The following PCCA variants were observed in gnomAD, a reference collection of about 807,000 sequenced individuals.
PCCA encodes propionyl-CoA carboxylase alpha chain, mitochondrial.
Under a neutral mutation model 101.3 loss-of-function variants are expected in PCCA, and 74 were observed. That is an observed-to-expected ratio of 0.73 (90% confidence interval 0.61 to 0.89). PCCA has a LOEUF of 0.89. PCCA is among the 40% of genes least tolerant of loss of function. The pLI is 0.00. For missense variants in PCCA, 891 were observed against 907.0 expected (o/e 0.98, Z 0.23); for synonymous variants, 294 against 313.6 (o/e 0.94, Z 0.66).
chr13:100,287,042 C>A (rs1566869253), intron 12 of PCCA, among the ~76,000 whole-genome samples: 3 of 151,938 alleles, frequency 2.0e-5, no homozygotes, highest in African/African-American at 7.2e-5. Context: ...ATTTGGAATT[C>A]ATTTTATTTT....
chr13:100,115,529 G>A (rs1007718978), intron 4 of PCCA, among the ~76,000 whole-genome samples: 6 of 151,976 alleles, frequency 3.9e-5, no homozygotes, highest in African/African-American at 1.5e-4. Context: ...AATATTTCAT[G>A]TACTCCATAA....
At chr13:100,328,742 G>C (rs1027247574) in intron 16 of PCCA, among the ~76,000 whole-genome samples, 2 of 146,174 alleles carry the variant, frequency 1.4e-5, no homozygotes, top group African/African-American at 2.5e-5. Flanking sequence ...CGCTGAGGTG[G>C]GAGTGCAGTG....
intron 21 of PCCA, among the ~76,000 whole-genome samples, chr13:100,475,164 C>A (rs1163528560): frequency 6.6e-6 from 1 of 152,166 alleles, no homozygotes; most frequent in Non-Finnish European, 1.5e-5. Context: ...CCTCCTGCTT[C>A]AGCCTCCCAA....
intron 20 of PCCA, among the ~76,000 whole-genome samples, chr13:100,438,929 C>A (rs749465598): frequency 6.6e-5 from 10 of 152,132 alleles, no homozygotes; most frequent in Non-Finnish European, 1.3e-4. Flanking sequence ...GGCATTAATA[C>A]AACAGTATCT....
At chr13:100,482,445 G>C (rs927311292) in intron 21 of PCCA, among the ~76,000 whole-genome samples, 1 of 152,210 alleles carries the variant, frequency 6.6e-6, no homozygotes, top group Non-Finnish European at 1.5e-5. Context: ...AAATGCCTGA[G>C]TGTGATGAGA....
intron 4 of PCCA, among the ~76,000 whole-genome samples, chr13:100,143,279 C>G (rs1212993501): frequency 2.0e-5 from 3 of 152,020 alleles, no homozygotes; most frequent in African/African-American, 7.2e-5. Flanking sequence ...CCTGTAATCC[C>G]AGCATTTTGG....
intron 19 of PCCA, among the ~76,000 whole-genome samples, chr13:100,407,125 A>G (rs1472140530): frequency 6.6e-6 from 1 of 152,236 alleles, no homozygotes; most frequent in Non-Finnish European, 1.5e-5. Context: ...CTTAATTATG[A>G]TTAATAGCAT....
chr13:100,160,827 A>G (rs934222269), intron 6 of PCCA: 1 of 152,048 alleles, frequency 6.6e-6, no homozygotes, highest in African/African-American at 2.4e-5. Context: ...GATATTTCTT[A>G]GTATTCTGTG....
chr13:100,182,594 G>C (rs1433574306), intron 6 of PCCA, among the ~76,000 whole-genome samples: 1 of 152,122 alleles, frequency 6.6e-6, no homozygotes, highest in African/African-American at 2.4e-5. Context: ...TGGAAGCAGA[G>C]AGTAGCCAGC....
intron 21 of PCCA, among the ~76,000 whole-genome samples, chr13:100,486,461 A>C (rs1378878594): frequency 6.6e-6 from 1 of 152,234 alleles, no homozygotes; most frequent in Non-Finnish European, 1.5e-5. Flanking sequence ...TTAGTTAAAG[A>C]AGTTTTGTTG....
chr13:100,282,923 A>G (rs1448498472), intron 12 of PCCA, among the ~76,000 whole-genome samples: 1 of 152,112 alleles, frequency 6.6e-6, no homozygotes, highest in Non-Finnish European at 1.5e-5. Flanking sequence ...CCAGAAGGAA[A>G]TAAGCAAAGA....
chr13:100,134,616 G>A (rs2050925688), intron 4 of PCCA, among the ~76,000 whole-genome samples: 1 of 151,818 alleles, frequency 6.6e-6, no homozygotes, highest in South Asian at 2.1e-4. Flanking sequence ...GAGTGCAGTT[G>A]TGTGATCATA....
intron 20 of PCCA, among the ~76,000 whole-genome samples, chr13:100,447,501 G>A (rs955641002): frequency 6.6e-6 from 1 of 151,926 alleles, no homozygotes; most frequent in Non-Finnish European, 1.5e-5. Flanking sequence ...GTGAAACCCC[G>A]TCTCTACTAA....
intron 21 of PCCA, among the ~76,000 whole-genome samples, chr13:100,509,590 T>G (rs1023368736): frequency 6.6e-6 from 1 of 152,216 alleles, no homozygotes; most frequent in African/African-American, 2.4e-5. Context: ...AAATTACTAC[T>G]TGCTTCTGTT....
At chr13:100,092,419 G>A (rs1376932067) in intron 1 of PCCA, among the ~76,000 whole-genome samples, 4 of 149,972 alleles carry the variant, frequency 2.7e-5, no homozygotes, top group South Asian at 2.1e-4. Context: ...GTCTGGCTCT[G>A]TTGGCCAGGC....
chr13:100,293,932 C>G (rs1956410816), intron 12 of PCCA, among the ~76,000 whole-genome samples: 1 of 152,176 alleles, frequency 6.6e-6, no homozygotes, highest in African/African-American at 2.4e-5. Context: ...GTTCTGGACT[C>G]TTTTTATCTA....
chr13:100,262,976 G>A (rs1309820296), intron 10 of PCCA, 145 bp downstream of exon 10: 3 of 566,572 alleles, frequency 5.3e-6, no homozygotes, highest in Non-Finnish European at 9.3e-6. Flanking sequence ...CTAGGATGTT[G>A]GTTGGGATTG....
At chr13:100,396,000 A>G (rs919721566) in intron 19 of PCCA, among the ~76,000 whole-genome samples, 3 of 152,234 alleles carry the variant, frequency 2.0e-5, no homozygotes, top group Non-Finnish European at 4.4e-5. Context: ...AAATCAACCT[A>G]TCTACCATCA....
intron 21 of PCCA, among the ~76,000 whole-genome samples, chr13:100,502,935 G>A (rs1489512019): frequency 6.6e-6 from 1 of 152,230 alleles, no homozygotes; most frequent in African/African-American, 2.4e-5. Context: ...CGTTGGGAAA[G>A]GTTGTGGAAG....
Sources: allele counts gnomAD v4.1 joint callset (sites outside exome capture counted in the v4.1 genomes callset), GRCh38; gene constraint gnomAD v4.1.1; transcripts MANE v1.5; gene names NCBI Gene and HGNC (gene_info 2026-07-23, HGNC 2026-07-21).